Variants in PDE1A observed in about 807,000 individuals in gnomAD.
PDE1A encodes dual specificity calcium/calmodulin-dependent 3',5'-cyclic nucleotide phosphodiesterase 1A.
PDE1A carries 35 observed loss-of-function variants against 61.7 expected under a neutral mutation model. The observed-to-expected ratio is 0.57, with a 90% CI of 0.43 to 0.75. The LOEUF is 0.75. Among genes scored for constraint, PDE1A ranks in the 30% least tolerant of loss-of-function variants. The pLI, the probability that PDE1A is intolerant of heterozygous loss-of-function variation, is 0.00. For synonymous variants in PDE1A, 232 were observed against 213.2 expected, an observed-to-expected ratio of 1.09 and a Z score of -0.77; for missense variants, 597 against 630.6, an observed-to-expected ratio of 0.95 and a Z score of 0.57.
chr2:182,516,749 GAGAAAGAAAGAAAAAGAAAGAA>G lies in PDE1A; in HGVS notation c.101+5505_101+5526del, dbSNP rs1301002416. Among the ~76,000 whole-genome samples the G allele has an allele frequency of 1.9e-3, 259 of 135,758 alleles. 2 individuals carry two copies. The highest frequency in any genetic ancestry group is 6.5e-3 in the African/African-American group (240 of 36,658). 89.1% of individuals were successfully genotyped at this position (135,758 alleles called of 152,430 possible). A position where few individuals can be genotyped will look rare whatever the true frequency, so the allele number is the denominator to read the frequency against. On this transcript the variant is annotated intron_variant, in intron 2 of 14. Coordinates refer to the PDE1A transcript ENST00000410103. ...GGAAGGAAGGAAGGAAGGAAAAAGA[GAGAAAGAAAGAAAAAGAAAGAA>G]AGAAAGAAAGAAAAAGAAAGAAAGA...
At chr2:182,297,673 T>C (rs1322539681) in intron 1 of PDE1A, among the ~76,000 whole-genome samples, 1 of 152,218 alleles carries the variant, frequency 6.6e-6, no homozygotes, top group Middle Eastern at 3.2e-3. Flanking sequence ...TTTCATTCCA[T>C]GTCTCCTCTA....
intron 1 of PDE1A, among the ~76,000 whole-genome samples, chr2:182,290,743 T>C (rs1258859810): frequency 6.6e-6 from 1 of 152,030 alleles, no homozygotes; most frequent in African/African-American, 2.4e-5. Context: ...GAGGGTTCTA[T>C]TGTTGCTTCT....
At chr2:182,420,037 A>T (rs1393194264) in intron 1 of PDE1A, among the ~76,000 whole-genome samples, 1 of 150,610 alleles carries the variant, frequency 6.6e-6, no homozygotes, top group South Asian at 2.1e-4. Context: ...GTATAATATA[A>T]TTAATACTAA....
At chr2:182,411,465 T>C (rs1439574877) in intron 1 of PDE1A, among the ~76,000 whole-genome samples, 2 of 152,198 alleles carry the variant, frequency 1.3e-5, no homozygotes, top group African/African-American at 4.8e-5. Flanking sequence ...TCTAAGAACA[T>C]GCTTGTACAG....
chr2:182,540,206 A>C, the PDE1A span, among the ~76,000 whole-genome samples: 2 of 152,038 alleles, frequency 1.3e-5, no homozygotes, highest in Admixed American at 1.3e-4. Flanking sequence ...TCTACTAAAA[A>C]TACAAAAATT....
At chr2:182,177,035 C>G (rs1389169614) in intron 13 of PDE1A, among the ~76,000 whole-genome samples, 27 of 151,160 alleles carry the variant, frequency 1.8e-4, no homozygotes, top group Non-Finnish European at 3.1e-4. Context: ...AGGGATGAAG[C>G]CCACTTGATC....
At chr2:182,681,940 C>T in the PDE1A span, among the ~76,000 whole-genome samples, 3 of 152,206 alleles carry the variant, frequency 2.0e-5, no homozygotes, top group Non-Finnish European at 4.4e-5. Context: ...GCCACCATGC[C>T]CGGCCTACTC....
downstream of PDE1A, chr2:182,147,032 T>G (rs758464550): frequency 2.5e-6 from 3 of 1,202,340 alleles, no homozygotes; most frequent in Non-Finnish European, 3.6e-6. Flanking sequence ...TAAAATAAAA[T>G]TACCTCTCAT....
At chr2:182,226,611 T>G (rs1022720283) in intron 6 of PDE1A, among the ~76,000 whole-genome samples, 1 of 149,826 alleles carries the variant, frequency 6.7e-6, no homozygotes, top group East Asian at 1.9e-4. Context: ...AATTCATAAA[T>G]TTTATAAATG....
chr2:182,199,818 AAT>A (rs1259240998), intron 10 of PDE1A, among the ~76,000 whole-genome samples: 4 of 152,174 alleles, frequency 2.6e-5, no homozygotes, highest in Non-Finnish European at 5.9e-5. Flanking sequence ...TTTCTCTAGG[AAT>A]ATAAATTGCA....
intron 1 of PDE1A, among the ~76,000 whole-genome samples, chr2:182,382,627 T>A (rs1700800307): frequency 6.6e-6 from 1 of 152,156 alleles, no homozygotes; most frequent in African/African-American, 2.4e-5. Flanking sequence ...CTACTGTTTA[T>A]AATAACTTGT....
chr2:182,325,213 G>A (rs1344542896), intron 1 of PDE1A, among the ~76,000 whole-genome samples: 1 of 152,086 alleles, frequency 6.6e-6, no homozygotes, highest in East Asian at 1.9e-4. Flanking sequence ...TAGACTTGTT[G>A]GTTAGTAATT....
At chr2:182,340,874 G>A (rs1574398513) in intron 1 of PDE1A, among the ~76,000 whole-genome samples, 2 of 152,212 alleles carry the variant, frequency 1.3e-5, no homozygotes, top group African/African-American at 4.8e-5. Flanking sequence ...TAAATCAAAC[G>A]GATCTTCTAG....
At chr2:182,531,758 T>A in the PDE1A span, among the ~76,000 whole-genome samples, 1 of 152,214 alleles carries the variant, frequency 6.6e-6, no homozygotes, top group Non-Finnish European at 1.5e-5. Flanking sequence ...TGTGCAGGTT[T>A]GTTACATAGG....
chr2:182,336,976 T>TAAAAAAAAAA lies in PDE1A; in HGVS notation c.54-72563_54-72562insTTTTTTTTTT, dbSNP rs10679939. 8.4e-3 allele frequency among the ~76,000 whole-genome samples: 1,252 copies of TAAAAAAAAAA among 148,656 alleles called. 8 individuals are homozygous for TAAAAAAAAAA. Among genetic ancestry groups the TAAAAAAAAAA allele is most frequent in the East Asian group, 0.033 (168 of 5,076 alleles). On this transcript the variant is annotated intron_variant, in intron 1 of 13. Coordinates refer to ENST00000351439, the Ensembl canonical transcript of PDE1A. Reference sequence around the variant, plus strand: ...CATGTATCCCTTTTTTTTTTTTTTTTAAATAAAGAATAAAAATAAAAGTCC... The same window carrying TAAAAAAAAAA: ...CATGTATCCCTTTTTTTTTTTTTTTTAAAAAAAAAAAAATAAAGAATAAAAATAAAAGTCC...
chr2:182,491,737 AT>A (rs1384727744), intron 2 of PDE1A, among the ~76,000 whole-genome samples: 3 of 150,766 alleles, frequency 2.0e-5, no homozygotes, highest in Non-Finnish European at 2.9e-5. Context: ...AACACTTTAC[AT>A]TTTCCTACTA....
chr2:182,374,448 C>T (rs1438071), intron 1 of PDE1A, among the ~76,000 whole-genome samples: 8,757 of 151,974 alleles, frequency 0.058, 868 homozygotes, highest in African/African-American at 0.2. Context: ...AAAATACTAA[C>T]CATAAAAGAA....
At chr2:182,321,022 T>C (rs886884564) in intron 1 of PDE1A, among the ~76,000 whole-genome samples, 2 of 152,172 alleles carry the variant, frequency 1.3e-5, no homozygotes, top group Admixed American at 1.3e-4. Flanking sequence ...ATGCAATAGG[T>C]TCTAATAAAA....
upstream of PDE1A, among the ~76,000 whole-genome samples, chr2:182,524,192 G>C (rs1007238660): frequency 6.6e-6 from 1 of 152,132 alleles, no homozygotes; most frequent in African/African-American, 2.4e-5. Context: ...GTAATAAACT[G>C]TTACCTGATA....
Sources: gnomAD v4.1 joint callset for allele counts (sites outside exome capture counted in the v4.1 genomes callset) on GRCh38, gnomAD v4.1.1 for gene constraint, MANE v1.5 for transcripts, NCBI Gene and HGNC (gene_info 2026-07-23, HGNC 2026-07-21) for gene names.